Variants in AMER1 observed in about 807,000 individuals in gnomAD.
AMER1 encodes APC membrane recruitment protein 1.
AMER1 carries 16 observed loss-of-function variants against 53.0 expected under a neutral mutation model. The ratio of observed to expected loss-of-function variants is 0.30; its 90% CI spans 0.20 to 0.46. AMER1 has a LOEUF of 0.46. Among genes scored for constraint, AMER1 ranks in the 20% least tolerant of loss-of-function variants. The probability of loss-of-function intolerance (pLI) is 1.00; values close to 1 mark genes in which losing one functional copy is unlikely to be tolerated. For synonymous variants in AMER1, 354 were observed against 331.9 expected, an observed-to-expected ratio of 1.07 and a Z score of -0.73; for missense variants, 947 against 884.9, an observed-to-expected ratio of 1.07 and a Z score of -0.89.
rs1469496797 is a variant in AMER1, at chrX:64,189,488, G to A, written c.*391C>T. 507 of 80,918 alleles carry A rather than the reference G, an allele frequency of 6.3e-3. 1 individual carries two copies. The highest frequency in any genetic ancestry group is 7.7e-3 in the Non-Finnish European group (493 of 63,696). 6.7% of individuals were successfully genotyped at this position (80,918 alleles called of 1,213,427 possible). On this transcript the variant is annotated 3_prime_UTR_variant, in exon 2 of 2. Coordinates refer to ENST00000374869, the MANE Select transcript of AMER1 (RefSeq NM_152424.4). ...TTTGTGTGTGTGTGTGTATGTATGTGTGTGTGTGTGTGTGTGTGTGTGTGT... is the reference window on the plus strand; with the variant it reads ...TTTGTGTGTGTGTGTGTATGTATGTATGTGTGTGTGTGTGTGTGTGTGTGT...
rs1164183347 is a variant in AMER1 at position 64,189,799 on chromosome X, A to AC, written c.*79dup. 5.4e-4 allele frequency: 70 copies of AC among 130,425 alleles called. No homozygotes were observed. The highest frequency in any genetic ancestry group is 1.9e-3 in the African/African-American group (21 of 10,801). 10.7% of individuals were successfully genotyped at this position (130,425 alleles called of 1,213,427 possible). On this transcript the variant is annotated 3_prime_UTR_variant, in exon 2 of 2. Coordinates refer to ENST00000374869, the MANE Select transcript of AMER1 (RefSeq NM_152424.4). ...GTTTTCAAGTTAAACAACAACCCCCACCCCCCCACCCTTCTGCCCAACCCC... is the reference window on the plus strand; with the variant it reads ...GTTTTCAAGTTAAACAACAACCCCCACCCCCCCCACCCTTCTGCCCAACCCC...
rs775340162 is a variant in AMER1, at chrX:64,186,381, C to T, written c.*3498G>A. The T allele has an allele frequency of 2.3e-6, 2 of 876,393 alleles. No individual in the cohort carries two copies. The highest frequency in any genetic ancestry group is 4.5e-5 in the East Asian group (1 of 22,262). 72.2% of individuals were successfully genotyped at this position (876,393 alleles called of 1,213,427 possible). On this transcript the variant is annotated 3_prime_UTR_variant, in exon 2 of 2. Transcript: ENST00000374869. ...AAGAACAATTGATAAACATTGTTTT[C>T]CATGAATATAAAATGCAAACAATAT...
chrX:64,199,844 C>T (rs761299328), intron 1 of AMER1, among the ~76,000 whole-genome samples: 59 of 112,641 alleles, frequency 5.2e-4, no homozygotes, highest in Non-Finnish European at 8.6e-4. Context: ...GGCCAAAACC[C>T]TATGTCTGAT....
In AMER1 at chrX:64,187,019, ATGT is replaced by A. The variant is rs1352473906; in HGVS notation, c.*2857_*2859del. 1 of 777,040 alleles carries A rather than the reference ATGT, an allele frequency of 1.3e-6. No homozygotes were observed. Among genetic ancestry groups the A allele is most frequent in the Non-Finnish European group, 1.5e-6 (1 of 653,389 alleles). The allele number at this position is 777,040 out of a possible 1,213,427, so 64.0% of individuals were successfully genotyped here. A position where few individuals can be genotyped will look rare whatever the true frequency, so the allele number is the denominator to read the frequency against. On this transcript the variant is annotated 3_prime_UTR_variant, in exon 2 of 2. Transcript: ENST00000374869. ...TATTCCAGGACCTTGCAATGGAGACATGTTGTTCATCTAGTAGTACTCTTGGAG... is the reference window on the plus strand; with the variant it reads ...TATTCCAGGACCTTGCAATGGAGACATGTTCATCTAGTAGTACTCTTGGAG...
chrX:64,202,069 G>A (rs533967191), intron 1 of AMER1, among the ~76,000 whole-genome samples: 1 of 112,045 alleles, frequency 8.9e-6, no homozygotes, highest in South Asian at 3.7e-4. Flanking sequence ...AACTCCTGGG[G>A]TCAAGTGATC....
At position 64,191,945 on chromosome X, in the gene AMER1, G is replaced by T. The variant is rs745507104; in HGVS notation, c.1342C>A (p.Leu448Ile). 19 of 1,210,045 alleles carry T rather than the reference G, an allele frequency of 1.6e-5. No individual in the cohort carries two copies. Among genetic ancestry groups the T allele is most frequent in the Non-Finnish European group, 2.0e-5 (18 of 895,266 alleles). Residue 448 changes from leucine (L) to isoleucine (I), a missense_variant, in exon 2 of 2, where the codon CTA becomes ATA. Coordinates refer to ENST00000374869, the MANE Select transcript of AMER1 (RefSeq NM_152424.4). ...LLDPVRSYPG[L>I]APGELLTPQS... is the part of the protein sequence containing the mutation. ...GGAGTCAAAAGTTCCCCAGGGGCTA[G>T]GCCAGGATAAGACCTAACTGGGTCA...
rs758466072 is a variant in AMER1 at position 64,190,279 on chromosome X, A to G, written c.3008T>C (p.Ile1003Thr). The G allele has an allele frequency of 1.7e-6, 2 of 1,210,514 alleles. No individual in the cohort carries two copies. The highest frequency in any genetic ancestry group is 3.5e-5 in the South Asian group (2 of 56,811). Residue 1003 changes from isoleucine (I) to threonine (T), a missense_variant, in exon 2 of 2, where the codon ATA (isoleucine) becomes ACA (threonine). Ile to Thr is a moderately conservative substitution (Grantham distance 89). Transcript: ENST00000374869. ...TCCIPPMTMS[I>T]SLSVPESRAP... is the part of the protein sequence containing the mutation. Reference sequence around the variant, plus strand: ...CCTTGACTCTGGCACTGATAGTGATATTGACATGGTCATAGGAGGTATGCA... The same window carrying G: ...CCTTGACTCTGGCACTGATAGTGATGTTGACATGGTCATAGGAGGTATGCA...
rs904653038 is a variant in AMER1, at chrX:64,191,305, G to A, written c.1982C>T (p.Pro661Leu). Reference sequence around the variant, plus strand: ...CCCTGCTGCCAGGCCCATCACTGATGGGCCTAAGGGCCTCATCTGATACTC... The same window carrying A: ...CCCTGCTGCCAGGCCCATCACTGATAGGCCTAAGGGCCTCATCTGATACTC... ...VLEYQMRPLG[P>L]SVMGLAAGVS... The change falls in exon 2 of 2, where the codon CCA becomes CTA. Residue 661 changes from proline to leucine, a missense_variant. By Grantham distance (98) the Pro-to-Leu change is moderately conservative. Transcript: ENST00000374869. 2.1e-5 allele frequency: 26 copies of A among 1,209,792 alleles called. No homozygotes were observed. The highest frequency in any genetic ancestry group is 5.3e-5 in the African/African-American group (3 of 57,081).
rs1930199973 is a variant in AMER1 at position 64,189,808 on chromosome X, C to T, written c.*71G>A. 1 of 977,586 alleles carries T rather than the reference C, an allele frequency of 1.0e-6. No homozygotes were observed. Among genetic ancestry groups the T allele is most frequent in the South Asian group, 3.2e-5 (1 of 31,595 alleles). The allele number at this position is 977,586 out of a possible 1,213,427, so 80.6% of individuals were successfully genotyped here. ...TTAAACAACAACCCCCACCCCCCCA[C>T]CCTTCTGCCCAACCCCTGATCCCCA... On this transcript the variant is annotated 3_prime_UTR_variant, in exon 2 of 2. Transcript: ENST00000374869.
Position 64,204,332 on chromosome X carries a change from C to T in AMER1, c.-99+1238G>A, listed in dbSNP as rs773517389. ...TGGAACAAGGCTCGCCTTGACCCCGCGGCCCTTGCCGAAAGCAGCCTGGCC... is the reference window on the plus strand; with the variant it reads ...TGGAACAAGGCTCGCCTTGACCCCGTGGCCCTTGCCGAAAGCAGCCTGGCC... On this transcript the variant is annotated intron_variant, in intron 1 of 1. Transcript: ENST00000374869. Among the ~76,000 whole-genome samples the T allele has an allele frequency of 1.6e-3, 187 of 114,019 alleles. 1 individual carries two copies. Among genetic ancestry groups the T allele is most frequent in the Non-Finnish European group, 2.9e-3 (157 of 53,506 alleles).
chrX:64,189,795 C>CCCT lies in AMER1; in HGVS notation c.*83_*84insAGG. ...AAGGGTTTTCAAGTTAAACAACAACCCCCACCCCCCCACCCTTCTGCCCAA... is the reference window on the plus strand; with the variant it reads ...AAGGGTTTTCAAGTTAAACAACAACCCCTCCCACCCCCCCACCCTTCTGCCCAA... On this transcript the variant is annotated 3_prime_UTR_variant, in exon 2 of 2. Coordinates refer to ENST00000374869, the MANE Select transcript of AMER1 (RefSeq NM_152424.4). 6.5e-6 allele frequency: 1 copy of CCCT among 154,271 alleles called. No individual in the cohort carries two copies. Among genetic ancestry groups the CCCT allele is most frequent in the South Asian group, 1.6e-4 (1 of 6,418 alleles). The allele number at this position is 154,271 out of a possible 1,213,427, so 12.7% of individuals were successfully genotyped here.
chrX:64,189,520 A>C lies in AMER1; in HGVS notation c.*359T>G. The C allele has an allele frequency of 2.2e-5, 1 of 44,968 alleles. No homozygotes were observed. The highest frequency in any genetic ancestry group is 3.1e-5 in the Non-Finnish European group (1 of 32,296). 3.7% of individuals were successfully genotyped at this position (44,968 alleles called of 1,213,427 possible). A position where few individuals can be genotyped will look rare whatever the true frequency, so the allele number is the denominator to read the frequency against. ...TGTGTGTGTGTGTGTGTGTGTATAT[A>C]TATATATATATATATATATATATAT... On this transcript the variant is annotated 3_prime_UTR_variant, in exon 2 of 2. Coordinates refer to ENST00000374869, the MANE Select transcript of AMER1 (RefSeq NM_152424.4).
chrX:64,189,798 C>CCCCCCCCCCCCCCCCCT lies in AMER1; in HGVS notation c.*80_*81insAGGGGGGGGGGGGGGGG. On this transcript the variant is annotated 3_prime_UTR_variant, in exon 2 of 2. Coordinates refer to ENST00000374869, the MANE Select transcript of AMER1 (RefSeq NM_152424.4). ...GGTTTTCAAGTTAAACAACAACCCC[C>CCCCCCCCCCCCCCCCCT]ACCCCCCCACCCTTCTGCCCAACCC... is the stretch of plus-strand genomic sequence containing the variant. 1 of 142,158 alleles carries CCCCCCCCCCCCCCCCCT rather than the reference C, an allele frequency of 7.0e-6. No homozygotes were observed. The highest frequency in any genetic ancestry group is 1.2e-5 in the Non-Finnish European group (1 of 82,196). The allele number at this position is 142,158 out of a possible 1,213,427, so 11.7% of individuals were successfully genotyped here.
At chrX:64,194,420 C>T (rs918018783) in intron 1 of AMER1, among the ~76,000 whole-genome samples, 1 of 111,708 alleles carries the variant, frequency 9.0e-6, no homozygotes, top group Non-Finnish European at 1.9e-5. Flanking sequence ...CTGGTCAAGG[C>T]TCTCAATCCT....
rs1930131405 is a variant in AMER1 at position 64,187,400 on chromosome X, G to A, written c.*2479C>T. 2 of 794,552 alleles carry A rather than the reference G, an allele frequency of 2.5e-6. No homozygotes were observed. Among genetic ancestry groups the A allele is most frequent in the African/African-American group, 4.4e-5 (2 of 45,600 alleles). 65.5% of individuals were successfully genotyped at this position (794,552 alleles called of 1,213,427 possible). A position where few individuals can be genotyped will look rare whatever the true frequency, so the allele number is the denominator to read the frequency against. On this transcript the variant is annotated 3_prime_UTR_variant, in exon 2 of 2. Transcript: ENST00000374869. ...AACCATGAACTCTCACTCAGCCCCA[G>A]GCCCTACTCTGTGGTGTGTGACCTT...
In AMER1 at chrX:64,193,336, T is replaced by C; in HGVS notation, c.-50A>G. 1 of 1,209,606 alleles carries C rather than the reference T, an allele frequency of 8.3e-7. No individual in the cohort carries two copies. Among genetic ancestry groups the C allele is most frequent in the Non-Finnish European group, 1.1e-6 (1 of 894,645 alleles). Reference sequence around the variant, plus strand: ...TCCAGCTGGAAATGCAGCCTCAGGCTTCCAGGCACTGTTATAACATTATCA... The same window carrying C: ...TCCAGCTGGAAATGCAGCCTCAGGCCTCCAGGCACTGTTATAACATTATCA... On this transcript the variant is annotated 5_prime_UTR_variant, in exon 2 of 2. Coordinates refer to ENST00000374869, the MANE Select transcript of AMER1 (RefSeq NM_152424.4).
intron 1 of AMER1, among the ~76,000 whole-genome samples, chrX:64,193,656 G>A (rs1312340855): frequency 8.9e-6 from 1 of 112,056 alleles, no homozygotes; most frequent in Non-Finnish European, 1.9e-5. Context: ...CCTAAGCTCA[G>A]GGGACCACTG....
Position 64,192,886 on chromosome X carries a change from T to C in AMER1, c.401A>G (p.His134Arg). The change falls in exon 2 of 2, where the codon CAT becomes CGT. Residue 134 changes from histidine to arginine, a missense_variant. Physicochemically the swap from His to Arg is conservative, Grantham distance 29 (BLOSUM62 0). Transcript: ENST00000374869. ...TCTGGAGCCTGTCTCCAAAGCCCCA[T>C]GGGCACTCTGAGAGCTGGGAAATTG... ...PCQFPSSQSA[H>R]GALETGSRCK... 1.7e-6 allele frequency: 2 copies of C among 1,212,031 alleles called. No individual in the cohort carries two copies. Among genetic ancestry groups the C allele is most frequent in the Non-Finnish European group, 2.2e-6 (2 of 895,583 alleles).
In AMER1 at chrX:64,186,768, C is replaced by G. The variant is rs1025398450; in HGVS notation, c.*3111G>C. 4 of 773,417 alleles carry G rather than the reference C, an allele frequency of 5.2e-6. No individual in the cohort carries two copies. The African/African-American group carries it at 9.1e-5, about 18-fold the overall frequency. 63.7% of individuals were successfully genotyped at this position (773,417 alleles called of 1,213,427 possible). On this transcript the variant is annotated 3_prime_UTR_variant, in exon 2 of 2. Transcript: ENST00000374869. ...GGCTGGCTTGAACTGGGCCCCAAGG[C>G]AGTGCTTCCTTGGAGACTCTAAAGC...
Sources: allele counts gnomAD v4.1 joint callset (sites outside exome capture counted in the v4.1 genomes callset), GRCh38; gene constraint gnomAD v4.1.1; transcripts MANE v1.5; gene names NCBI Gene and HGNC (gene_info 2026-07-23, HGNC 2026-07-21).